FBRSL1: variants seen among roughly 807,000 people sequenced by gnomAD.
The protein encoded by FBRSL1 is fibrosin like 1, also known as fibrosin-1-like protein.
In FBRSL1, 51 loss-of-function variants were observed where a neutral mutation model predicts 89.6. The observed-to-expected ratio is 0.57, with a 90% CI of 0.45 to 0.72. The LOEUF (loss-of-function observed/expected upper bound fraction) is 0.72. FBRSL1 is among the 30% of genes least tolerant of loss of function. The pLI is 0.00. For missense variants in FBRSL1, 1,618 were observed against 1,451.8 expected, an observed-to-expected ratio of 1.11 and a Z score of -1.86; for synonymous variants, 779 against 681.1, an observed-to-expected ratio of 1.14 and a Z score of -2.24.
In FBRSL1 at chr12:132,509,519, A is replaced by G. The variant is rs1189782389; in HGVS notation, c.489+1169A>G. ...CCCAGCCCTGCCGGCCGCATTGGGCACTCCCAGGCCCCAGGCAGTGCTGCA... is the reference window on the plus strand; with the variant it reads ...CCCAGCCCTGCCGGCCGCATTGGGCGCTCCCAGGCCCCAGGCAGTGCTGCA... On this transcript the variant is annotated intron_variant, in intron 2 of 18. Coordinates refer to ENST00000680143, the MANE Select transcript of FBRSL1 (RefSeq NM_001367871.1). 3.2e-5 allele frequency: 40 copies of G among 1,234,834 alleles called. No homozygotes were observed. In the Admixed American group the frequency reaches 3.4e-4, roughly 10 times the overall value. 76.5% of individuals were successfully genotyped at this position (1,234,834 alleles called of 1,614,324 possible).
At chr12:132,547,349 C>T (rs565565610) in intron 4 of FBRSL1, among the ~76,000 whole-genome samples, 48 of 152,168 alleles carry the variant, frequency 3.2e-4, no homozygotes, top group African/African-American at 9.4e-4. Flanking sequence ...CTACTGAAAA[C>T]GGAGAACGGA....
chr12:132,576,857 G>T lies in FBRSL1; in HGVS notation c.1760G>T (p.Arg587Ile), dbSNP rs752729238. The T allele has an allele frequency of 6.4e-7, 1 of 1,550,988 alleles. No individual in the cohort carries two copies. Among genetic ancestry groups the T allele is most frequent in the South Asian group, 1.2e-5 (1 of 84,026 alleles). Residue 587 changes from arginine (R) to isoleucine (I), a missense_variant, in exon 15 of 19, where the codon AGA becomes ATA. Physicochemically the swap from Arg to Ile is moderately conservative, Grantham distance 97. Coordinates refer to ENST00000680143, the MANE Select transcript of FBRSL1 (RefSeq NM_001367871.1). ...GGTGCAAAGCTGGACCTGTTCGGCA[G>T]ACCCCCTGCCCCGGGCGTGTTTGCA... ...EVGAKLDLFG[R>I]PPAPGVFAGF...
chr12:132,531,702 G>A (rs550537135), intron 4 of FBRSL1, among the ~76,000 whole-genome samples: 66 of 151,792 alleles, frequency 4.3e-4, no homozygotes, highest in African/African-American at 9.4e-4. Context: ...TGCACGTGGC[G>A]TTGCGTGTTG....
intron 4 of FBRSL1, among the ~76,000 whole-genome samples, chr12:132,528,322 A>C (rs2035970524): frequency 6.6e-6 from 1 of 151,992 alleles, no homozygotes; most frequent in African/African-American, 2.4e-5. Flanking sequence ...GCTGCAGCTA[A>C]GGGTGCCGGG....
chr12:132,510,080 G>A, intron 2 of FBRSL1: 1 of 1,230,842 alleles, frequency 8.1e-7, no homozygotes, highest in Admixed American at 4.2e-5. Flanking sequence ...GACGGCCGAG[G>A]CAGCAGAAGC....
chr12:132,511,083 C>T (rs1471114535), intron 2 of FBRSL1: 1 of 985,604 alleles, frequency 1.0e-6, no homozygotes. Flanking sequence ...GGCCCTCCCC[C>T]TGGTAGTCAG....
chr12:132,563,923 C>A (rs1448625418), intron 5 of FBRSL1, among the ~76,000 whole-genome samples: 1 of 129,584 alleles, frequency 7.7e-6, no homozygotes. Flanking sequence ...CCCCTGCACC[C>A]CTCCAGCTGA....
At chr12:132,496,430 C>T (rs998004658) in intron 1 of FBRSL1, among the ~76,000 whole-genome samples, 11 of 152,280 alleles carry the variant, frequency 7.2e-5, no homozygotes, top group Admixed American at 4.6e-4. Context: ...CGTATTTACC[C>T]GGGCTTGTGT....
At chr12:132,529,175 C>T (rs1240430290) in intron 4 of FBRSL1, among the ~76,000 whole-genome samples, 1 of 152,200 alleles carries the variant, frequency 6.6e-6, no homozygotes, top group African/African-American at 2.4e-5. Context: ...AATTTCCAGG[C>T]CGTAGAGGCT....
chr12:132,512,058 G>C (rs975614212), intron 2 of FBRSL1: 1 of 958,434 alleles, frequency 1.0e-6, no homozygotes. Flanking sequence ...CACTCTGACC[G>C]AACAGAGGGG....
intron 4 of FBRSL1, among the ~76,000 whole-genome samples, chr12:132,534,228 C>T (rs760896495): frequency 3.5e-4 from 53 of 152,208 alleles, no homozygotes; most frequent in Non-Finnish European, 6.6e-4. Flanking sequence ...GCCTCCACTC[C>T]AGTCCTGGCC....
intron 15 of FBRSL1, among the ~76,000 whole-genome samples, chr12:132,578,770 G>A (rs2040551741): frequency 1.3e-5 from 2 of 152,018 alleles, no homozygotes; most frequent in South Asian, 4.1e-4. Context: ...CCATGTTCAT[G>A]AGCATTTGAT....
chr12:132,570,550 T>G lies in FBRSL1; in HGVS notation c.1213+10T>G, dbSNP rs2039939360. On this transcript the variant is annotated intron_variant, in intron 8 of 18. Transcript: ENST00000680143. ...CCAGGACACCCGGCCGGTAGGTGTCTCGGCCACAATCTCGCCCAGGGCAGG... is the reference window on the plus strand; with the variant it reads ...CCAGGACACCCGGCCGGTAGGTGTCGCGGCCACAATCTCGCCCAGGGCAGG... 2 of 1,494,464 alleles carry G rather than the reference T, an allele frequency of 1.3e-6. No homozygotes were observed. The highest frequency in any genetic ancestry group is 1.8e-6 in the Non-Finnish European group (2 of 1,124,576). The allele number at this position is 1,494,464 out of a possible 1,614,324, so 92.6% of individuals were successfully genotyped here. A position where few individuals can be genotyped will look rare whatever the true frequency, so the allele number is the denominator to read the frequency against.
At chr12:132,509,645 C>G in intron 2 of FBRSL1, 1 of 1,231,798 alleles carries the variant, frequency 8.1e-7, no homozygotes, top group Non-Finnish European at 1.0e-6. Flanking sequence ...ACTGCCGGCG[C>G]CTGCGGTTCC....
At position 132,549,880 on chromosome 12, in the gene FBRSL1, G is replaced by A. The variant is rs376170342; in HGVS notation, c.645+1848G>A. Among the ~76,000 whole-genome samples the A allele has an allele frequency of 2.8e-4, 43 of 152,374 alleles. No individual in the cohort carries two copies. The East Asian group carries it at 7.5e-3, about 27-fold the overall frequency. ...TGGAGGCCGAGGGGTCCATGGGAGA[G>A]CACAGGCTGAAAGAGGGTTCTAGAA... On this transcript the variant is annotated intron_variant, in intron 5 of 18. Transcript: ENST00000680143.
At chr12:132,506,463 C>G (rs79484587) in intron 1 of FBRSL1, among the ~76,000 whole-genome samples, 1 of 152,224 alleles carries the variant, frequency 6.6e-6, no homozygotes. Context: ...TCTGCCTGTC[C>G]CCTCTGACTC....
chr12:132,574,257 G>A, intron 12 of FBRSL1, 62 bp from the exon 13 acceptor site: 1 of 1,465,958 alleles, frequency 6.8e-7, no homozygotes, highest in East Asian at 2.5e-5. Context: ...TGTGTCCCCT[G>A]CACCCCCAGG....
chr12:132,535,813 G>A (rs975933913), intron 4 of FBRSL1, among the ~76,000 whole-genome samples: 3 of 146,012 alleles, frequency 2.1e-5, no homozygotes, highest in Non-Finnish European at 4.5e-5. Context: ...GTGCACGTGT[G>A]TCCATGATGG....
At chr12:132,512,650 CAG>C (rs1204547995) in intron 2 of FBRSL1, among the ~76,000 whole-genome samples, 1 of 152,236 alleles carries the variant, frequency 6.6e-6, no homozygotes, top group Admixed American at 6.5e-5. Context: ...CCTGTGAGTA[CAG>C]AGGGGGCCGA....
Sources: gnomAD v4.1 joint callset for allele counts (sites outside exome capture counted in the v4.1 genomes callset) on GRCh38, gnomAD v4.1.1 for gene constraint, MANE v1.5 for transcripts, NCBI Gene and HGNC (gene_info 2026-07-23, HGNC 2026-07-21) for gene names.